Variants in SEL1L2 observed in about 807,000 individuals in gnomAD.
SEL1L2 encodes the protein SEL1L2 adaptor subunit of SYVN1 ubiquitin ligase, also known as protein sel-1 homolog 2.
SEL1L2 carries 89 observed loss-of-function variants against 98.8 expected under a neutral mutation model. The observed-to-expected ratio is 0.90, with a 90% CI of 0.76 to 1.07. SEL1L2 has a LOEUF of 1.07. SEL1L2 is among the 50% of genes least tolerant of loss of function. The pLI, the probability that SEL1L2 is intolerant of heterozygous loss-of-function variation, is 0.00. For synonymous variants in SEL1L2, 262 were observed against 278.5 expected (o/e 0.94, Z 0.59); for missense variants, 788 against 812.0 (o/e 0.97, Z 0.36).
chr20:13,891,663 CAAAAAA>C (rs61545047), intron 5 of SEL1L2, among the ~76,000 whole-genome samples: 2 of 74,244 alleles, frequency 2.7e-5, no homozygotes, highest in Non-Finnish European at 4.8e-5. Context: ...AAGACTCCAT[CAAAAAA>C]AAAAAAAAAA....
chr20:13,957,948 G>T (rs553194848), intron 1 of SEL1L2, among the ~76,000 whole-genome samples: 1 of 152,086 alleles, frequency 6.6e-6, no homozygotes, highest in Non-Finnish European at 1.5e-5. Context: ...TTTTAAAGAC[G>T]ATACATATCT....
chr20:13,876,183 A>C (rs1201271703), intron 11 of SEL1L2, 68 bp from the exon 12 acceptor site: 13 of 1,141,858 alleles, frequency 1.1e-5, no homozygotes, highest in Non-Finnish European at 1.7e-5. Context: ...ATATTTTAAA[A>C]TGAAATAGAG....
intron 5 of SEL1L2, 103 bp downstream of exon 5, chr20:13,913,679 C>A: frequency 1.8e-6 from 2 of 1,081,340 alleles, no homozygotes; most frequent in Non-Finnish European, 2.5e-6. Flanking sequence ...AGACTGGGTT[C>A]ATGCAGCAGA....
At chr20:13,905,667 A>G (rs2047894889) in intron 5 of SEL1L2, among the ~76,000 whole-genome samples, 1 of 152,078 alleles carries the variant, frequency 6.6e-6, no homozygotes, top group African/African-American at 2.4e-5. Context: ...ACAATAGTCC[A>G]TTTTTAGTAT....
chr20:13,907,700 C>CTTTCTCTT (rs1328913961), intron 5 of SEL1L2, among the ~76,000 whole-genome samples: 49 of 125,552 alleles, frequency 3.9e-4, no homozygotes, highest in African/African-American at 8.1e-4. Flanking sequence ...TTCTTTCTTT[C>CTTTCTCTT]TCTTTCTTTC....
upstream of SEL1L2, chr20:13,995,157 C>G (rs2052611502): frequency 1.3e-5 from 2 of 157,672 alleles, no homozygotes; most frequent in African/African-American, 4.8e-5. This position sits in a 1 kb window ranked among gnomAD's most constrained non-coding sequence, Gnocchi z 4.3. Flanking sequence ...ACTTGGCGCA[C>G]CTGGCTCTAC....
intron 1 of SEL1L2, among the ~76,000 whole-genome samples, chr20:13,971,656 A>G (rs1476613511): frequency 6.6e-6 from 1 of 150,882 alleles, no homozygotes; most frequent in East Asian, 2.0e-4. Context: ...GCTGGTCTTG[A>G]ACTCCTGAGC....
intron 17 of SEL1L2, among the ~76,000 whole-genome samples, chr20:13,864,136 T>G (rs1283302169): frequency 6.6e-6 from 1 of 152,166 alleles, no homozygotes; most frequent in East Asian, 1.9e-4. Flanking sequence ...GCTGAGAGAT[T>G]GCGGGTATTG....
intron 1 of SEL1L2, among the ~76,000 whole-genome samples, chr20:13,959,741 G>T (rs1218017897): frequency 6.6e-6 from 1 of 152,130 alleles, no homozygotes; most frequent in African/African-American, 2.4e-5. Flanking sequence ...TACACTATGG[G>T]AATAAACAAA....
At chr20:13,852,937 T>A (rs1228306884) in intron 18 of SEL1L2, among the ~76,000 whole-genome samples, 1 of 152,110 alleles carries the variant, frequency 6.6e-6, no homozygotes, top group African/African-American at 2.4e-5. Flanking sequence ...TTTCTTTTTA[T>A]AAATATATCA....
intron 2 of SEL1L2, among the ~76,000 whole-genome samples, chr20:13,948,354 T>C (rs1046614817): frequency 6.6e-6 from 1 of 152,024 alleles, no homozygotes; most frequent in African/African-American, 2.4e-5. Context: ...AATTTCTCAA[T>C]ATCAACACCT....
intron 2 of SEL1L2, among the ~76,000 whole-genome samples, chr20:13,947,452 T>C: frequency 6.6e-6 from 1 of 152,196 alleles, no homozygotes; most frequent in African/African-American, 2.4e-5. Context: ...GCTACCCACT[T>C]TGGGTCTCCT....
Position 13,859,584 on chromosome 20 carries a change from C to T in SEL1L2, c.1646-150G>A, listed in dbSNP as rs1022758040. The T allele has an allele frequency of 2.3e-4, 147 of 631,478 alleles. 1 individual carries two copies. The East Asian group carries it at 4.0e-3, about 17-fold the overall frequency. 39.1% of individuals were successfully genotyped at this position (631,478 alleles called of 1,614,324 possible). ...AAAGGAACCAAAAACACTCAGAACCCCAGAACTGGAATTAGATATACTTTA... is the reference window on the plus strand; with the variant it reads ...AAAGGAACCAAAAACACTCAGAACCTCAGAACTGGAATTAGATATACTTTA... On this transcript the variant is annotated intron_variant, in intron 17 of 19. Coordinates refer to ENST00000284951, the MANE Select transcript of SEL1L2 (RefSeq NM_025229.2).
chr20:13,919,745 G>A (rs2048568616), intron 3 of SEL1L2, among the ~76,000 whole-genome samples: 1 of 151,984 alleles, frequency 6.6e-6, no homozygotes, highest in African/African-American at 2.4e-5. Flanking sequence ...GGCCAGGGTG[G>A]TGAAACCCTG....
chr20:13,915,534 G>C (rs1402762880), intron 4 of SEL1L2, among the ~76,000 whole-genome samples: 1 of 152,162 alleles, frequency 6.6e-6, no homozygotes, highest in East Asian at 1.9e-4. Context: ...CACCAGCATG[G>C]ACCAAGGCAC....
In SEL1L2 at chr20:13,931,325, T is replaced by A. The variant is rs567925913; in HGVS notation, c.283+278A>T. On this transcript the variant is annotated intron_variant, in intron 3 of 19. Coordinates refer to ENST00000284951, the MANE Select transcript of SEL1L2 (RefSeq NM_025229.2). ...GATTACAGGCGTGAGCCACCGCGCCTGGCCTGACAGGAGTATCTTTGAGCC... is the reference window on the plus strand; with the variant it reads ...GATTACAGGCGTGAGCCACCGCGCCAGGCCTGACAGGAGTATCTTTGAGCC... 8.5e-5 allele frequency among the ~76,000 whole-genome samples: 13 copies of A among 152,084 alleles called. No homozygotes were observed. The South Asian group carries it at 2.7e-3, about 32-fold the overall frequency.
chr20:13,931,624 A>C lies in SEL1L2; in HGVS notation c.262T>G (p.Leu88Val). 1 of 1,418,096 alleles carries C rather than the reference A, an allele frequency of 7.1e-7. No homozygotes were observed. Among genetic ancestry groups the C allele is most frequent in the Non-Finnish European group, 9.6e-7 (1 of 1,039,492 alleles). 87.8% of individuals were successfully genotyped at this position (1,418,096 alleles called of 1,614,324 possible). A position where few individuals can be genotyped will look rare whatever the true frequency, so the allele number is the denominator to read the frequency against. The change falls in exon 3 of 20, where the codon TTG becomes GTG. Residue 88 changes from leucine (L) to valine (V), a missense_variant. Coordinates refer to ENST00000284951, the MANE Select transcript of SEL1L2 (RefSeq NM_025229.2). The stretch of plus-strand genomic sequence containing the variant: ...TTACAATGATTCTTATTTCTCTTCA[A>C]GATATCTTTATTTTGAATTCCTTTT... ...RIKGIQNKDI[L>V]KRNKNHLQKQ...
chr20:13,931,193 G>A (rs1031714906), intron 3 of SEL1L2, among the ~76,000 whole-genome samples: 36 of 151,896 alleles, frequency 2.4e-4, no homozygotes, highest in Middle Eastern at 3.4e-3. Context: ...ACAGGTGCCC[G>A]CCACCGTGCC....
intron 5 of SEL1L2, among the ~76,000 whole-genome samples, chr20:13,895,065 A>G (rs1382987624): frequency 6.6e-6 from 1 of 152,186 alleles, no homozygotes; most frequent in Non-Finnish European, 1.5e-5. Context: ...AAATACTAGC[A>G]AACTGAATTC....
Sources: allele counts gnomAD v4.1 joint callset (sites outside exome capture counted in the v4.1 genomes callset), GRCh38; gene constraint gnomAD v4.1.1; non-coding constraint Gnocchi (gnomAD v3.1); transcripts MANE v1.5; gene names NCBI Gene and HGNC (gene_info 2026-07-23, HGNC 2026-07-21).